PF4: variants seen among roughly 807,000 people sequenced by gnomAD.
PF4 encodes platelet factor 4, also known as C-X-C motif chemokine 4.
PF4 carries 8 observed loss-of-function variants against 6.9 expected under a neutral mutation model. The observed-to-expected ratio is 1.16, with a 90% CI of 0.68 to 2.09. The LOEUF (loss-of-function observed/expected upper bound fraction) is 2.09, where lower values mean the gene tolerates loss of function less well. Among genes scored for constraint, PF4 ranks in the 30% most tolerant of loss-of-function variants. The pLI is 0.00. For synonymous variants in PF4, 55 were observed against 56.5 expected (o/e 0.97, Z 0.12); for missense variants, 111 against 122.9 (o/e 0.90, Z 0.46).
Position 73,981,885 on chromosome 4 carries a change from T to G in PF4, c.69A>C (p.Pro23=), listed in dbSNP as rs1718808718. 1.9e-6 allele frequency: 3 copies of G among 1,550,766 alleles called. No homozygotes were observed. Among genetic ancestry groups the G allele is most frequent in the Non-Finnish European group, 2.6e-6 (3 of 1,146,852 alleles). Residue 23 remains proline, a synonymous_variant, in exon 1 of 3, where the codon CCA becomes CCC. Coordinates refer to ENST00000296029, the MANE Select transcript of PF4 (RefSeq NM_002619.4). The part of the protein sequence containing the change: ...GLLFLGLLLL[P]LVVAFASAEA... Reference sequence around the variant, plus strand: ...CACCGCTGGCGAAGGCGACCACAAGTGGCAGGAGCAGCAACCCCAGGAACA... The same window carrying G: ...CACCGCTGGCGAAGGCGACCACAAGGGGCAGGAGCAGCAACCCCAGGAACA...
intron 1 of PF4, 53 bp from the exon 2 acceptor site, chr4:73,981,596 C>A: frequency 2.5e-6 from 4 of 1,571,514 alleles, no homozygotes; most frequent in Non-Finnish European, 3.5e-6. Flanking sequence ...AGTGGTGACT[C>A]CATGAGTAGC....
chr4:73,981,985 G>C lies in PF4; in HGVS notation c.-32C>G. 1 of 1,532,186 alleles carries C rather than the reference G, an allele frequency of 6.5e-7. No homozygotes were observed. The highest frequency in any genetic ancestry group is 1.2e-5 in the South Asian group (1 of 83,624). 94.9% of individuals were successfully genotyped at this position (1,532,186 alleles called of 1,614,324 possible). A position where few individuals can be genotyped will look rare whatever the true frequency, so the allele number is the denominator to read the frequency against. The stretch of plus-strand genomic sequence containing the variant: ...GCAGAGCTTCCAGCAGGATCTCAGT[G>C]CTCAGTGCGATGGGAAACTCGGGCT... On this transcript the variant is annotated 5_prime_UTR_variant, in exon 1 of 3. Coordinates refer to ENST00000296029, the MANE Select transcript of PF4 (RefSeq NM_002619.4).
chr4:73,981,856 C>A lies in PF4; in HGVS notation c.91+7G>T. The A allele has an allele frequency of 6.4e-7, 1 of 1,551,176 alleles. No individual in the cohort carries two copies. The highest frequency in any genetic ancestry group is 8.7e-7 in the Non-Finnish European group (1 of 1,146,884). ...GCCAGCCCTCACAGCCTGGCTTCTG[C>A]TCTCACCGCTGGCGAAGGCGACCAC... is the stretch of plus-strand genomic sequence containing the variant. On this transcript the variant is annotated splice_region_variant and intron_variant, in intron 1 of 2. Transcript: ENST00000296029.
At position 73,981,142 on chromosome 4, in the gene PF4, G is replaced by T. The variant is rs1718771322; in HGVS notation, c.*62C>A. ...AATATCAGAAGTTCTTTCACAGTTA[G>T]ATTGAAACTGGAAAAAAGAAGTATG... On this transcript the variant is annotated 3_prime_UTR_variant, in exon 3 of 3. Coordinates refer to ENST00000296029, the MANE Select transcript of PF4 (RefSeq NM_002619.4). 6.2e-6 allele frequency: 7 copies of T among 1,122,398 alleles called. No individual in the cohort carries two copies. The highest frequency in any genetic ancestry group is 9.5e-6 in the Non-Finnish European group (7 of 739,810). The allele number at this position is 1,122,398 out of a possible 1,614,324, so 69.5% of individuals were successfully genotyped here. A position where few individuals can be genotyped will look rare whatever the true frequency, so the allele number is the denominator to read the frequency against.
chr4:73,981,322 T>G, intron 2 of PF4, 31 bp from the exon 3 acceptor site: 1 of 1,614,162 alleles, frequency 6.2e-7, no homozygotes, highest in Non-Finnish European at 8.5e-7. Context: ...GATGTGACTT[T>G]CAGTCCTTGG....
chr4:73,981,840 C>T, intron 1 of PF4, 23 bp downstream of exon 1: 6 of 1,550,240 alleles, frequency 3.9e-6, no homozygotes, highest in Non-Finnish European at 5.2e-6. Context: ...TGCCAGCCCT[C>T]ACAGCCTGGC....
At chr4:73,982,042 G>C, upstream of PF4, 5 of 1,085,476 alleles carry the variant, frequency 4.6e-6, no homozygotes, top group East Asian at 2.6e-5. Context: ...CCTGAGCCTC[G>C]CCGGCACGTT....
chr4:73,981,057 T>C lies in PF4; in HGVS notation c.*147A>G, dbSNP rs920365347. The C allele has an allele frequency of 1.6e-6, 1 of 639,990 alleles. No individual in the cohort carries two copies. The highest frequency in any genetic ancestry group is 2.8e-5 in the East Asian group (1 of 36,162). 39.6% of individuals were successfully genotyped at this position (639,990 alleles called of 1,614,324 possible). ...CAATTTTTGCACTATTATTAAGAAG[T>C]ATTTTGACTATACTACAACTTGATT... On this transcript the variant is annotated 3_prime_UTR_variant, in exon 3 of 3. Transcript: ENST00000296029.
At position 73,981,999 on chromosome 4, in the gene PF4, G is replaced by T; in HGVS notation, c.-46C>A. The T allele has an allele frequency of 6.7e-7, 1 of 1,482,448 alleles. No homozygotes were observed. The highest frequency in any genetic ancestry group is 9.2e-7 in the Non-Finnish European group (1 of 1,086,134). 91.8% of individuals were successfully genotyped at this position (1,482,448 alleles called of 1,614,324 possible). A position where few individuals can be genotyped will look rare whatever the true frequency, so the allele number is the denominator to read the frequency against. On this transcript the variant is annotated 5_prime_UTR_variant, in exon 1 of 3. Transcript: ENST00000296029. ...AGGATCTCAGTGCTCAGTGCGATGG[G>T]AAACTCGGGCTGGGTCTCTGTGGCC... is the stretch of plus-strand genomic sequence containing the variant.
Position 73,981,930 on chromosome 4 carries a change from G to C in PF4, c.24C>G (p.Cys8Trp), listed in dbSNP as rs1367968507. The change falls in exon 1 of 3, where the codon TGC becomes TGG. Residue 8 changes from cysteine to tryptophan, a missense_variant. Cys to Trp is a radical substitution (Grantham distance 215, BLOSUM62 -2). Coordinates refer to ENST00000296029, the MANE Select transcript of PF4 (RefSeq NM_002619.4). ...GGAACAGCAGCCCGGGGCGTGAGGC[G>C]CAGAACCCGGCTGCGGAGCTCATGC... The part of the protein sequence containing the change: MSSAAGF[C>W]ASRPGLLFLG... 16 of 1,550,974 alleles carry C rather than the reference G, an allele frequency of 1.0e-5. No homozygotes were observed. The highest frequency in any genetic ancestry group is 1.4e-5 in the Non-Finnish European group (16 of 1,146,852).
intron 2 of PF4, 21 bp downstream of exon 2, chr4:73,981,396 A>G (rs368732933): frequency 3.0e-4 from 484 of 1,614,108 alleles, no homozygotes; most frequent in Admixed American, 5.0e-4. Flanking sequence ...GAGCACTGAC[A>G]GATGCAGTGC....
intron 1 of PF4, 44 bp from the exon 2 acceptor site, chr4:73,981,587 G>A (rs1183091614): frequency 1.3e-6 from 2 of 1,587,316 alleles, no homozygotes; most frequent in South Asian, 2.3e-5. Context: ...AGGGGAGGGA[G>A]TGGTGACTCC....
upstream of PF4, chr4:73,982,112 C>T (rs915468838): frequency 3.4e-5 from 11 of 319,454 alleles, no homozygotes; most frequent in African/African-American, 3.0e-4. Flanking sequence ...AACTGCGGTG[C>T]GGAAACTAAG....
At chr4:73,982,073 A>G (rs182327392), upstream of PF4, 19 of 723,050 alleles carry the variant, frequency 2.6e-5, no homozygotes, top group Non-Finnish European at 3.8e-5. Context: ...CTGTCCTTCC[A>G]GTCCGGAAGC....
In PF4 at chr4:73,981,917, C is replaced by T. The variant is rs1560544402; in HGVS notation, c.37G>A (p.Gly13Arg). The T allele has an allele frequency of 3.2e-6, 5 of 1,551,114 alleles. No individual in the cohort carries two copies. The highest frequency in any genetic ancestry group is 3.9e-5 in the Admixed American group (2 of 50,964). Residue 13 changes from glycine (G) to arginine (R), a missense_variant, in exon 1 of 3, where the codon GGG becomes AGG. Gly to Arg is a moderately radical substitution (Grantham distance 125). Transcript: ENST00000296029. The stretch of plus-strand genomic sequence containing the variant: ...AGCAGCAACCCCAGGAACAGCAGCC[C>T]GGGGCGTGAGGCGCAGAACCCGGCT... ...SAAGFCASRP[G>R]LLFLGLLLLP...
chr4:73,981,379 G>C (rs1052416015), intron 2 of PF4, 38 bp downstream of exon 2: 8 of 1,613,900 alleles, frequency 5.0e-6, no homozygotes, highest in Admixed American at 1.7e-5. Context: ...GAGGAGGCAC[G>C]GAGCGGGAGC....
intron 2 of PF4, 36 bp from the exon 3 acceptor site, chr4:73,981,327 C>A: frequency 1.2e-6 from 2 of 1,614,030 alleles, no homozygotes; most frequent in Non-Finnish European, 1.7e-6. Flanking sequence ...GACTTTCAGT[C>A]CTTGGGTTTG....
rs754856155 is a variant in PF4, at chr4:73,981,258, CA to C, written c.251del (p.Leu84TrpfsTer11). 1 of 1,614,224 alleles carries C rather than the reference CA, an allele frequency of 6.2e-7. No individual in the cohort carries two copies. Among genetic ancestry groups the C allele is most frequent in the South Asian group, 1.1e-5 (1 of 91,088 alleles). On this transcript the variant is annotated frameshift_variant, in exon 3 of 3. Transcript: ENST00000296029. LOFTEE classifies it low-confidence loss of function (END_TRUNC). ...TCTTGTACAGCGGGGCTTGCAGGTCCAAGCAAATTTTCCTTCCATTCTTCAG... is the reference window on the plus strand; with the variant it reads ...TCTTGTACAGCGGGGCTTGCAGGTCCAGCAAATTTTCCTTCCATTCTTCAG... ...ATLKNGRKIC[L>X]DLQAPLYKKI... is the part of the protein sequence containing the mutation.
chr4:73,981,905 G>A lies in PF4; in HGVS notation c.49C>T (p.Leu17=). 1 of 1,551,308 alleles carries A rather than the reference G, an allele frequency of 6.4e-7. No individual in the cohort carries two copies. Among genetic ancestry groups the A allele is most frequent in the East Asian group, 2.4e-5 (1 of 40,886 alleles). Residue 17 remains leucine (L), a synonymous_variant, in exon 1 of 3, where the codon CTG becomes TTG. Coordinates refer to ENST00000296029, the MANE Select transcript of PF4 (RefSeq NM_002619.4). ...ACAAGTGGCAGGAGCAGCAACCCCA[G>A]GAACAGCAGCCCGGGGCGTGAGGCG... ...FCASRPGLLF[L]GLLLLPLVVA... is the part of the protein sequence containing the mutation.
Sources: gnomAD v4.1 joint callset for allele counts on GRCh38, gnomAD v4.1.1 for gene constraint, MANE v1.5 for transcripts, NCBI Gene and HGNC (gene_info 2026-07-23, HGNC 2026-07-21) for gene names.